Variants in ADAMTSL1 observed in about 807,000 individuals in gnomAD.
The protein encoded by ADAMTSL1 is ADAMTS like 1.
A neutral mutation model predicts 201.8 loss-of-function variants in ADAMTSL1; 126 were observed. That is an observed-to-expected ratio of 0.62 (90% CI 0.54 to 0.72). ADAMTSL1 has a LOEUF of 0.72. ADAMTSL1 is among the 30% of genes least tolerant of loss of function. ADAMTSL1 has a pLI of 0.00. For synonymous variants in ADAMTSL1, 1,121 were observed against 903.4 expected (o/e 1.24, Z -4.32); for missense variants, 2,679 against 2,277.8 (o/e 1.18, Z -3.59).
At chr9:18,606,213 A>C (rs559235876) in intron 4 of ADAMTSL1, among the ~76,000 whole-genome samples, 2 of 152,288 alleles carry the variant, frequency 1.3e-5, no homozygotes, top group African/African-American at 4.8e-5. Context: ...TAACCGAGTC[A>C]ATGCTGAAGC....
intron 2 of ADAMTSL1, among the ~76,000 whole-genome samples, chr9:18,168,732 A>G (rs535491327): frequency 1.4e-5 from 2 of 145,156 alleles, no homozygotes; most frequent in African/African-American, 5.0e-5. Context: ...ACTAGTTTAC[A>G]GTCCCACCAA....
intron 2 of ADAMTSL1, among the ~76,000 whole-genome samples, chr9:18,518,672 G>T (rs1333542634): frequency 6.6e-6 from 1 of 152,076 alleles, no homozygotes; most frequent in African/African-American, 2.4e-5. Flanking sequence ...CCCAGTGTGG[G>T]ATTGCTAGGT....
chr9:18,638,900 G>C (rs1827266379), intron 6 of ADAMTSL1, among the ~76,000 whole-genome samples: 1 of 152,014 alleles, frequency 6.6e-6, no homozygotes, highest in African/African-American at 2.4e-5. Flanking sequence ...TAGGCTGAGG[G>C]CCATCAAGAT....
intron 1 of ADAMTSL1, among the ~76,000 whole-genome samples, chr9:18,012,031 GA>G (rs939294652): frequency 1.3e-5 from 2 of 152,034 alleles, no homozygotes; most frequent in African/African-American, 4.8e-5. Flanking sequence ...TTGGCCTTCA[GA>G]GTAAGAAGGT....
intron 1 of ADAMTSL1, among the ~76,000 whole-genome samples, chr9:18,491,164 T>A (rs1242855052): frequency 6.6e-6 from 1 of 152,198 alleles, no homozygotes; most frequent in African/African-American, 2.4e-5. Context: ...AATGGGGTAG[T>A]AAACCATGAT....
chr9:18,227,132 A>AC lies in ADAMTSL1; in HGVS notation c.207+63154dup, dbSNP rs1186009406. Among the ~76,000 whole-genome samples, 16 of 152,260 alleles carry AC rather than the reference A, an allele frequency of 1.1e-4. No homozygotes were observed. The East Asian group carries it at 3.1e-3, about 29-fold the overall frequency. ...CTCCATTTTTTCCTAACAAAACATTACCCATACCTCAAAACACAAATGGTT... is the reference window on the plus strand; with the variant it reads ...CTCCATTTTTTCCTAACAAAACATTACCCCATACCTCAAAACACAAATGGTT... On this transcript the variant is annotated intron_variant, in intron 2 of 29. Coordinates refer to the ADAMTSL1 transcript ENST00000680146.
intron 3 of ADAMTSL1, among the ~76,000 whole-genome samples, chr9:18,567,282 T>C (rs553952143): frequency 2.0e-5 from 3 of 152,050 alleles, no homozygotes; most frequent in Non-Finnish European, 2.9e-5. Flanking sequence ...CTGGCCAACA[T>C]GGTAAAACCC....
chr9:18,526,938 C>G (rs938814235), intron 2 of ADAMTSL1, among the ~76,000 whole-genome samples: 5 of 152,104 alleles, frequency 3.3e-5, no homozygotes, highest in African/African-American at 1.2e-4. Flanking sequence ...GGCTTTATGT[C>G]TTTTCTCTTG....
At chr9:18,169,006 T>A (rs2132115441) in intron 2 of ADAMTSL1, among the ~76,000 whole-genome samples, 1 of 148,404 alleles carries the variant, frequency 6.7e-6, no homozygotes, top group Non-Finnish European at 1.5e-5. Flanking sequence ...TTTGAGTTCA[T>A]TGTAGATTCT....
intron 23 of ADAMTSL1, among the ~76,000 whole-genome samples, chr9:18,830,951 G>C (rs929281007): frequency 2.8e-4 from 42 of 152,312 alleles, no homozygotes; most frequent in African/African-American, 1.0e-3. Context: ...AAAGTTTAAA[G>C]CTTCTGTATT....
intron 1 of ADAMTSL1, among the ~76,000 whole-genome samples, chr9:18,099,252 T>C (rs549766460): frequency 6.8e-6 from 1 of 147,400 alleles, no homozygotes; most frequent in African/African-American, 2.5e-5. Flanking sequence ...GTGTTGCTCC[T>C]GAAAAATCTG....
chr9:18,666,212 G>A (rs1829421911), intron 9 of ADAMTSL1, among the ~76,000 whole-genome samples: 1 of 152,172 alleles, frequency 6.6e-6, no homozygotes, highest in Non-Finnish European at 1.5e-5. Flanking sequence ...CTCTGCTGGT[G>A]TCATTTACAC....
At chr9:17,986,332 A>T (rs1031694343) in intron 1 of ADAMTSL1, among the ~76,000 whole-genome samples, 1 of 152,002 alleles carries the variant, frequency 6.6e-6, no homozygotes, top group Admixed American at 6.6e-5. Flanking sequence ...CTGATTATAC[A>T]TGTAAAGGCT....
intron 15 of ADAMTSL1, among the ~76,000 whole-genome samples, chr9:18,749,024 G>C (rs1415434269): frequency 6.6e-6 from 1 of 152,130 alleles, no homozygotes; most frequent in East Asian, 1.9e-4. Flanking sequence ...GTCGTCGCAT[G>C]GCATTTTGCC....
At chr9:18,056,655 A>T (rs1822202153) in intron 1 of ADAMTSL1, among the ~76,000 whole-genome samples, 1 of 152,242 alleles carries the variant, frequency 6.6e-6, no homozygotes, top group African/African-American at 2.4e-5. Flanking sequence ...CATGGCAAGC[A>T]TTCAGAGCAT....
At chr9:18,453,091 A>G (rs2153414) in intron 2 of ADAMTSL1, among the ~76,000 whole-genome samples, 51,604 of 151,984 alleles carry the variant, frequency 0.34, 9,740 homozygotes, top group East Asian at 0.54. Flanking sequence ...ATGCCCGCAC[A>G]GCTCTTGCTC....
intron 2 of ADAMTSL1, among the ~76,000 whole-genome samples, chr9:18,240,561 G>A (rs1433659730): frequency 2.0e-5 from 3 of 152,084 alleles, no homozygotes; most frequent in Non-Finnish European, 4.4e-5. Context: ...CATAACAAGA[G>A]AGTTAGACTG....
intron 1 of ADAMTSL1, among the ~76,000 whole-genome samples, chr9:18,034,680 C>T (rs939667159): frequency 1.3e-5 from 2 of 152,100 alleles, no homozygotes; most frequent in Non-Finnish European, 2.9e-5. Context: ...CTGTGTCATT[C>T]GTGCCTTCAT....
intron 4 of ADAMTSL1, among the ~76,000 whole-genome samples, chr9:18,589,134 C>T (rs1823745538): frequency 6.6e-6 from 1 of 151,870 alleles, no homozygotes; most frequent in Admixed American, 6.6e-5. Flanking sequence ...ACCTTGGCCT[C>T]CCAAAGTGCT....
Sources: allele counts gnomAD v4.1 joint callset (sites outside exome capture counted in the v4.1 genomes callset), GRCh38; gene constraint gnomAD v4.1.1; transcripts MANE v1.5; gene names NCBI Gene and HGNC (gene_info 2026-07-23, HGNC 2026-07-21).